Variants in SRD5A2 observed in about 807,000 individuals in gnomAD.
SRD5A2 encodes the protein 3-oxo-5-alpha-steroid 4-dehydrogenase 2.
SRD5A2 carries 30 observed loss-of-function variants against 27.4 expected under a neutral mutation model. The observed-to-expected ratio is 1.10, with a 90% CI of 0.82 to 1.49. The LOEUF is 1.49. SRD5A2 is among the 40% of genes most tolerant of loss of function. SRD5A2 has a pLI of 0.00. For synonymous variants in SRD5A2, 141 were observed against 133.6 expected, an observed-to-expected ratio of 1.06 and a Z score of -0.38; for missense variants, 348 against 323.4, an observed-to-expected ratio of 1.08 and a Z score of -0.58.
In SRD5A2 at chr2:31,578,386, T is replaced by A. The variant is rs28383001; in HGVS notation, c.281+2234A>T. Among the ~76,000 whole-genome samples the A allele has an allele frequency of 3.0e-3, 451 of 152,274 alleles. 4 individuals carry two copies. Among genetic ancestry groups the A allele is most frequent in the African/African-American group, 0.01 (429 of 41,552 alleles). On this transcript the variant is annotated intron_variant, in intron 1 of 4. Transcript: ENST00000622030. ...GAGTCTACTGCCTGGGTTTGAACTC[T>A]GATTCCTCGTTATTGTGTGACCTTG...
In SRD5A2 at chr2:31,526,188, T is replaced by C. The variant is rs1240299613; in HGVS notation, c.*8A>G. ...GTGGGAGCTCTGCTCCTTTTTAATTTGGTTCCTTTAAAAGATGAATGGAAT... is the reference window on the plus strand; with the variant it reads ...GTGGGAGCTCTGCTCCTTTTTAATTCGGTTCCTTTAAAAGATGAATGGAAT... On this transcript the variant is annotated 3_prime_UTR_variant, in exon 5 of 5. Transcript: ENST00000622030. The C allele has an allele frequency of 1.3e-6, 2 of 1,563,474 alleles. No homozygotes were observed. Among genetic ancestry groups the C allele is most frequent in the Non-Finnish European group, 1.7e-6 (2 of 1,147,660 alleles).
chr2:31,546,272 A>T lies in SRD5A2; in HGVS notation c.282-12506T>A, dbSNP rs1008770390. On this transcript the variant is annotated intron_variant, in intron 1 of 4. Coordinates refer to ENST00000622030, the MANE Select transcript of SRD5A2 (RefSeq NM_000348.4). ...AAACAATTTTGAAAAAGGAGAAAAA[A>T]TATTGAGGACTCTCATTTCCTGATT... 5.3e-5 allele frequency among the ~76,000 whole-genome samples: 8 copies of T among 152,306 alleles called. No individual in the cohort carries two copies. The East Asian group carries it at 1.2e-3, about 22-fold the overall frequency.
At chr2:31,645,337 G>A in the SRD5A2 span, among the ~76,000 whole-genome samples, 1 of 152,090 alleles carries the variant, frequency 6.6e-6, no homozygotes, top group Admixed American at 6.6e-5. Flanking sequence ...ATGCTTGAGG[G>A]GATGGATAAC....
chr2:31,621,448 T>C, the SRD5A2 span, among the ~76,000 whole-genome samples: 2 of 152,154 alleles, frequency 1.3e-5, no homozygotes, highest in Non-Finnish European at 1.5e-5. Flanking sequence ...TTCATATTTA[T>C]TGCTGAGTAG....
At chr2:31,580,592 C>T in intron 1 of SRD5A2, 28 bp downstream of exon 1, 2 of 1,501,694 alleles carry the variant, frequency 1.3e-6, no homozygotes, top group Non-Finnish European at 1.8e-6. Flanking sequence ...GTGCGCTGCA[C>T]TGGGCGCCCG....
chr2:31,593,141 C>T, the SRD5A2 span, among the ~76,000 whole-genome samples: 3 of 151,952 alleles, frequency 2.0e-5, no homozygotes, highest in South Asian at 4.2e-4. Flanking sequence ...GGATAGCATT[C>T]GGAGATATAC....
chr2:31,619,363 C>T, the SRD5A2 span, among the ~76,000 whole-genome samples: 19 of 152,030 alleles, frequency 1.2e-4, no homozygotes, highest in Non-Finnish European at 8.8e-5. Context: ...AGGTTGATTC[C>T]ATATCTTTGC....
chr2:31,560,046 A>C (rs1666587365), intron 1 of SRD5A2, among the ~76,000 whole-genome samples: 1 of 131,070 alleles, frequency 7.6e-6, no homozygotes. Context: ...ATATCTATGT[A>C]CATACCAATC....
chr2:31,538,010 A>G (rs1469373244), intron 1 of SRD5A2, among the ~76,000 whole-genome samples: 1 of 152,200 alleles, frequency 6.6e-6, no homozygotes, highest in South Asian at 2.1e-4. Flanking sequence ...TAAATTACCC[A>G]GTCTCAGGTA....
the SRD5A2 span, among the ~76,000 whole-genome samples, chr2:31,589,324 T>C: frequency 5.3e-5 from 8 of 152,122 alleles, no homozygotes; most frequent in Admixed American, 5.2e-4. Context: ...TTCCCAGCTG[T>C]TGGGATAATG....
chr2:31,635,640 C>T, the SRD5A2 span, among the ~76,000 whole-genome samples: 1 of 152,064 alleles, frequency 6.6e-6, no homozygotes, highest in Admixed American at 6.6e-5. Flanking sequence ...CCCAGACCAA[C>T]GTCCTAGAAC....
intron 1 of SRD5A2, among the ~76,000 whole-genome samples, chr2:31,542,375 G>T (rs1420538031): frequency 6.6e-6 from 1 of 152,082 alleles, no homozygotes; most frequent in African/African-American, 2.4e-5. Context: ...TCCAGGCATG[G>T]ATGGCACACA....
chr2:31,602,469 A>C, the SRD5A2 span, among the ~76,000 whole-genome samples: 1 of 152,134 alleles, frequency 6.6e-6, no homozygotes, highest in South Asian at 2.1e-4. Context: ...TATTGCGAAA[A>C]TGGTCATACT....
chr2:31,543,703 T>C (rs999357793), intron 1 of SRD5A2, among the ~76,000 whole-genome samples: 3 of 152,150 alleles, frequency 2.0e-5, no homozygotes, highest in Admixed American at 1.3e-4. Context: ...TAGAATGTTA[T>C]AAATTTAGGA....
chr2:31,581,114 C>T (rs533123428), upstream of SRD5A2: 25 of 572,444 alleles, frequency 4.4e-5, no homozygotes, highest in South Asian at 6.3e-4. Context: ...CGGAGGAGAA[C>T]GAAGGCCTTC....
chr2:31,543,811 A>T (rs1356954219), intron 1 of SRD5A2, among the ~76,000 whole-genome samples: 1 of 152,156 alleles, frequency 6.6e-6, no homozygotes, highest in Non-Finnish European at 1.5e-5. Flanking sequence ...TAGAGAAAAC[A>T]AATATAAAAA....
chr2:31,548,881 C>G (rs1666318487), intron 1 of SRD5A2, among the ~76,000 whole-genome samples: 1 of 151,942 alleles, frequency 6.6e-6, no homozygotes, highest in Non-Finnish European at 1.5e-5. Flanking sequence ...GTGGTATATA[C>G]TTACAATGGC....
At chr2:31,660,244 T>G in the SRD5A2 span, among the ~76,000 whole-genome samples, 1 of 152,086 alleles carries the variant, frequency 6.6e-6, no homozygotes. Flanking sequence ...GTTCAGGAGC[T>G]TGACAATATA....
At chr2:31,580,997 C>T, upstream of SRD5A2, 2 of 1,368,260 alleles carry the variant, frequency 1.5e-6, no homozygotes, top group Non-Finnish European at 1.9e-6. Context: ...CGTGTCCGCC[C>T]CCTCGGCCTT....
Sources: gnomAD v4.1 joint callset for allele counts (sites outside exome capture counted in the v4.1 genomes callset) on GRCh38, gnomAD v4.1.1 for gene constraint, MANE v1.5 for transcripts, NCBI Gene and HGNC (gene_info 2026-07-23, HGNC 2026-07-21) for gene names.